ARL15: variants seen among roughly 807,000 people sequenced by gnomAD.
ARL15 encodes the protein ARF like GTPase 15, also known as ADP-ribosylation factor-like protein 15.
In ARL15, 19 loss-of-function variants were observed where a neutral mutation model predicts 25.2. The ratio of observed to expected loss-of-function variants is 0.75; its 90% CI spans 0.53 to 1.10. ARL15 has a LOEUF of 1.10. ARL15 is among the 50% of genes least tolerant of loss of function. The pLI is 0.00. For synonymous variants in ARL15, 94 were observed against 86.8 expected, an observed-to-expected ratio of 1.08 and a Z score of -0.46; for missense variants, 220 against 246.0, an observed-to-expected ratio of 0.89 and a Z score of 0.71.
At chr5:53,953,556 T>C (rs553387901) in intron 4 of ARL15, among the ~76,000 whole-genome samples, 2 of 152,290 alleles carry the variant, frequency 1.3e-5, no homozygotes, top group Non-Finnish European at 1.5e-5. Flanking sequence ...GTAGTTGTGA[T>C]CAGTGCTACT....
intron 1 of ARL15, among the ~76,000 whole-genome samples, chr5:54,249,549 A>G (rs540105565): frequency 6.6e-6 from 1 of 152,270 alleles, no homozygotes; most frequent in South Asian, 2.1e-4. Flanking sequence ...GATAGGTAAC[A>G]ATATACAGAA....
chr5:54,111,367 A>C (rs71619996), intron 4 of ARL15, among the ~76,000 whole-genome samples: 2 of 152,078 alleles, frequency 1.3e-5, no homozygotes, highest in South Asian at 2.1e-4. Flanking sequence ...AAAAAGAAGG[A>C]AAAAGATATT....
chr5:54,307,499 A>G (rs1758785721), intron 1 of ARL15, among the ~76,000 whole-genome samples: 1 of 152,216 alleles, frequency 6.6e-6, no homozygotes, highest in South Asian at 2.1e-4. Context: ...ACTGAAATCA[A>G]TAAAACCCTG....
rs184467693 is a variant in ARL15 at position 54,063,620 on chromosome 5, T to G, written c.462+49582A>C. 5.7e-3 allele frequency among the ~76,000 whole-genome samples: 752 copies of G among 131,052 alleles called. 5 individuals carry two copies. The highest frequency in any genetic ancestry group is 0.022 in the African/African-American group (722 of 33,524). The allele number at this position is 131,052 out of a possible 152,430, so 86.0% of individuals were successfully genotyped here. A position where few individuals can be genotyped will look rare whatever the true frequency, so the allele number is the denominator to read the frequency against. On this transcript the variant is annotated intron_variant, in intron 4 of 4. Coordinates refer to ENST00000504924, the MANE Select transcript of ARL15 (RefSeq NM_019087.3). ...TGGATATGTATGACAAACTCCTAATTCAACACTGTGAACTCATTTCTTGTT... is the reference window on the plus strand; with the variant it reads ...TGGATATGTATGACAAACTCCTAATGCAACACTGTGAACTCATTTCTTGTT...
intron 4 of ARL15, among the ~76,000 whole-genome samples, chr5:53,955,293 A>T (rs1211406580): frequency 6.6e-6 from 1 of 152,114 alleles, no homozygotes; most frequent in Non-Finnish European, 1.5e-5. Flanking sequence ...TGCCAAGCTA[A>T]TACAGTCAGA....
chr5:54,269,870 C>T lies in ARL15; in HGVS notation c.48+40562G>A, dbSNP rs113922084. Among the ~76,000 whole-genome samples, 954 of 152,286 alleles carry T rather than the reference C, an allele frequency of 6.3e-3. 7 individuals are homozygous for T. The highest frequency in any genetic ancestry group is 0.022 in the African/African-American group (909 of 41,552). ...CTATGTTGGCCAGGCTGGTCTCCAA[C>T]GCCTGACCTCCTGATCCACCTGCCT... On this transcript the variant is annotated intron_variant, in intron 1 of 4. Coordinates refer to ENST00000504924, the MANE Select transcript of ARL15 (RefSeq NM_019087.3).
chr5:54,034,669 AAGAC>A (rs1213771294), intron 4 of ARL15, among the ~76,000 whole-genome samples: 1 of 151,958 alleles, frequency 6.6e-6, no homozygotes, highest in African/African-American at 2.4e-5. Flanking sequence ...AACAAAAAAA[AAGAC>A]AGAGAGACAG....
Position 53,885,566 on chromosome 5 carries a change from A to G in ARL15, c.*995T>C, listed in dbSNP as rs1318990445. 6.6e-6 allele frequency: 1 copy of G among 152,616 alleles called. No individual in the cohort carries two copies. Among genetic ancestry groups the G allele is most frequent in the Non-Finnish European group, 1.5e-5 (1 of 68,026 alleles). 9.5% of individuals were successfully genotyped at this position (152,616 alleles called of 1,614,324 possible). On this transcript the variant is annotated 3_prime_UTR_variant, in exon 5 of 5. Transcript: ENST00000504924. The stretch of plus-strand genomic sequence containing the variant: ...AGGAAGGCATTAACAGATTCCAATA[A>G]ACTACAGTAACACGTAATGAATGAA...
chr5:54,025,116 A>C (rs188185933), intron 4 of ARL15, among the ~76,000 whole-genome samples: 1 of 152,286 alleles, frequency 6.6e-6, no homozygotes, highest in East Asian at 1.9e-4. Flanking sequence ...TCTACAGAAA[A>C]ACATGAGAGC....
At chr5:54,215,191 C>T (rs1756159213) in intron 1 of ARL15, among the ~76,000 whole-genome samples, 1 of 152,068 alleles carries the variant, frequency 6.6e-6, no homozygotes. Flanking sequence ...AAACAGCTCA[C>T]ATTCAACAAG....
intron 4 of ARL15, among the ~76,000 whole-genome samples, chr5:54,026,276 C>A (rs1749784449): frequency 6.6e-6 from 1 of 151,884 alleles, no homozygotes; most frequent in South Asian, 2.1e-4. Context: ...TATTTTCTTT[C>A]TTTATTTTTT....
intron 4 of ARL15, among the ~76,000 whole-genome samples, chr5:54,071,033 G>C (rs1751402366): frequency 6.6e-6 from 1 of 151,898 alleles, no homozygotes; most frequent in African/African-American, 2.4e-5. Context: ...AGCCAGGGGT[G>C]GTGGCACATG....
chr5:54,069,439 C>T (rs779975003), intron 4 of ARL15, among the ~76,000 whole-genome samples: 5 of 150,772 alleles, frequency 3.3e-5, no homozygotes, highest in African/African-American at 7.3e-5. Context: ...GGAGTGATGG[C>T]GAGTGTCTGT....
chr5:54,128,467 T>C (rs1753327690), intron 3 of ARL15, among the ~76,000 whole-genome samples: 1 of 152,174 alleles, frequency 6.6e-6, no homozygotes, highest in South Asian at 2.1e-4. Context: ...AGCCATCTGA[T>C]TTATATTATG....
chr5:53,912,091 C>T (rs1478582786), intron 4 of ARL15: 1 of 151,698 alleles, frequency 6.6e-6, no homozygotes, highest in Admixed American at 6.6e-5. Flanking sequence ...TGTATCATTC[C>T]AATTTTAGTA....
intron 4 of ARL15, among the ~76,000 whole-genome samples, chr5:53,987,930 G>A (rs1443785443): frequency 1.3e-5 from 2 of 152,068 alleles, no homozygotes; most frequent in East Asian, 1.9e-4. Context: ...GTGAAACCCC[G>A]TCTCTACTAA....
At chr5:54,045,188 G>C (rs1332277360) in intron 4 of ARL15, among the ~76,000 whole-genome samples, 2 of 152,074 alleles carry the variant, frequency 1.3e-5, no homozygotes, top group African/African-American at 4.8e-5. Flanking sequence ...TCCCTGGTCA[G>C]AAAACACAAA....
chr5:54,150,416 G>C (rs1275059610), intron 3 of ARL15, among the ~76,000 whole-genome samples: 3 of 152,178 alleles, frequency 2.0e-5, no homozygotes, highest in Non-Finnish European at 4.4e-5. Context: ...GTGTGAGAGA[G>C]AAAATGAATG....
intron 4 of ARL15, among the ~76,000 whole-genome samples, chr5:54,009,697 A>T (rs1749170345): frequency 6.6e-6 from 1 of 152,212 alleles, no homozygotes; most frequent in South Asian, 2.1e-4. Context: ...TAAATCTTGC[A>T]ACTTCTATAT....
Sources: allele counts gnomAD v4.1 joint callset (sites outside exome capture counted in the v4.1 genomes callset), GRCh38; gene constraint gnomAD v4.1.1; transcripts MANE v1.5; gene names NCBI Gene and HGNC (gene_info 2026-07-23, HGNC 2026-07-21).